TNR: variants seen among roughly 807,000 people sequenced by gnomAD.
TNR encodes tenascin-R.
A neutral mutation model predicts 150.4 loss-of-function variants in TNR; 45 were observed. The ratio of observed to expected loss-of-function variants is 0.30; its 90% CI spans 0.24 to 0.38. The LOEUF (loss-of-function observed/expected upper bound fraction) is 0.38. Ranked by LOEUF, TNR falls within the 10% of genes least tolerant of loss-of-function variation. The pLI is 1.00. For synonymous variants in TNR, 687 were observed against 678.4 expected, an observed-to-expected ratio of 1.01 and a Z score of -0.20; for missense variants, 1,544 against 1,759.1, an observed-to-expected ratio of 0.88 and a Z score of 2.19.
chr1:175,693,653 G>C (rs969353810), intron 1 of TNR, among the ~76,000 whole-genome samples: 1 of 152,208 alleles, frequency 6.6e-6, no homozygotes, highest in Non-Finnish European at 1.5e-5. Flanking sequence ...ACAGGTGACT[G>C]TTCTAAAATT....
intron 1 of TNR, among the ~76,000 whole-genome samples, chr1:175,661,277 C>T (rs1428189625): frequency 2.0e-5 from 3 of 152,238 alleles, no homozygotes; most frequent in African/African-American, 7.2e-5. Flanking sequence ...CCCCAGCTGA[C>T]TTCACAAGGA....
At chr1:175,434,671 A>C (rs376870913) in intron 2 of TNR, among the ~76,000 whole-genome samples, 14 of 152,048 alleles carry the variant, frequency 9.2e-5, no homozygotes, top group African/African-American at 3.1e-4. Flanking sequence ...CTTACCTCTT[A>C]CCACTCCTGG....
intron 2 of TNR, among the ~76,000 whole-genome samples, chr1:175,524,563 G>A (rs767253526): frequency 3.3e-5 from 5 of 152,084 alleles, no homozygotes; most frequent in Non-Finnish European, 7.3e-5. Context: ...AAGAGACCAA[G>A]GACTCATTGG....
intron 2 of TNR, among the ~76,000 whole-genome samples, chr1:175,429,687 T>C (rs998218916): frequency 6.6e-6 from 1 of 152,218 alleles, no homozygotes; most frequent in Non-Finnish European, 1.5e-5. Context: ...TTCCCAAGGA[T>C]GTAGAGCACA....
At chr1:175,352,209 A>G (rs1651085922) in intron 18 of TNR, among the ~76,000 whole-genome samples, 1 of 152,184 alleles carries the variant, frequency 6.6e-6, no homozygotes, top group African/African-American at 2.4e-5. Flanking sequence ...GGAGTGAGGC[A>G]CAGCTGTAAG....
chr1:175,529,646 G>C (rs982838553), intron 1 of TNR, among the ~76,000 whole-genome samples: 4 of 152,156 alleles, frequency 2.6e-5, no homozygotes, highest in African/African-American at 7.2e-5. Context: ...AGGTTCTTTG[G>C]ACAGTGTAAT....
intron 1 of TNR, among the ~76,000 whole-genome samples, chr1:175,690,905 T>A (rs1666342644): frequency 6.6e-6 from 1 of 152,092 alleles, no homozygotes; most frequent in African/African-American, 2.4e-5. Context: ...GCTGATGGAT[T>A]GGATATGAGG....
chr1:175,513,217 G>C lies in TNR; in HGVS notation c.-64+15052C>G, dbSNP rs568235755. 2.1e-3 allele frequency among the ~76,000 whole-genome samples: 317 copies of C among 152,288 alleles called. 1 individual carries two copies. The highest frequency in any genetic ancestry group is 7.3e-3 in the African/African-American group (302 of 41,552). On this transcript the variant is annotated intron_variant, in intron 2 of 22. Transcript: ENST00000367674. ...GTCTCTCTGTCTTCCCCACTACACT[G>C]TGCTGTAGGCGTTATTTATTGGGGG...
intron 2 of TNR, among the ~76,000 whole-genome samples, chr1:175,480,304 A>AG (rs1657726239): frequency 6.7e-6 from 1 of 148,472 alleles, no homozygotes. Context: ...TAAAAAAAAA[A>AG]TGAGGAAGAA....
chr1:175,635,323 T>C (rs953486011), intron 1 of TNR, among the ~76,000 whole-genome samples: 35 of 152,228 alleles, frequency 2.3e-4, no homozygotes, highest in Admixed American at 1.8e-3. Context: ...CTAATTTTTC[T>C]CTTTAAACTT....
intron 2 of TNR, among the ~76,000 whole-genome samples, chr1:175,451,904 T>G (rs1235358195): frequency 6.6e-6 from 1 of 152,166 alleles, no homozygotes; most frequent in Non-Finnish European, 1.5e-5. Context: ...CCCAGCCAGG[T>G]CTTACCTGTC....
intron 1 of TNR, among the ~76,000 whole-genome samples, chr1:175,690,165 A>G (rs1033534779): frequency 6.6e-6 from 1 of 151,590 alleles, no homozygotes; most frequent in African/African-American, 2.4e-5. Flanking sequence ...ATTCTATTAC[A>G]TTGCCGTGGA....
chr1:175,494,877 A>T (rs1013856691), intron 2 of TNR, among the ~76,000 whole-genome samples: 1 of 152,170 alleles, frequency 6.6e-6, no homozygotes, highest in South Asian at 2.1e-4. Flanking sequence ...TTAGTGTCTA[A>T]AACAATTCTT....
At chr1:175,645,322 A>G (rs1406893688) in intron 1 of TNR, among the ~76,000 whole-genome samples, 1 of 152,366 alleles carries the variant, frequency 6.6e-6, no homozygotes, top group East Asian at 1.9e-4. Flanking sequence ...CTCCAAATTT[A>G]GGGATATATA....
intron 1 of TNR, among the ~76,000 whole-genome samples, chr1:175,609,922 T>C (rs1032104141): frequency 6.6e-6 from 1 of 152,198 alleles, no homozygotes; most frequent in Non-Finnish European, 1.5e-5. Context: ...AGGACACAAA[T>C]AGTCTTGCTA....
intron 1 of TNR, among the ~76,000 whole-genome samples, chr1:175,538,135 C>T (rs1660366008): frequency 6.6e-6 from 1 of 152,134 alleles, no homozygotes; most frequent in Non-Finnish European, 1.5e-5. Context: ...CAGAACAAGA[C>T]ACAAGGGGTC....
chr1:175,369,238 T>A (rs987542850), intron 9 of TNR, among the ~76,000 whole-genome samples: 2 of 152,226 alleles, frequency 1.3e-5, no homozygotes, highest in African/African-American at 4.8e-5. Flanking sequence ...TGTTATAAAT[T>A]ACCACACACA....
intron 1 of TNR, among the ~76,000 whole-genome samples, chr1:175,713,030 G>T (rs1246493216): frequency 6.6e-6 from 1 of 152,156 alleles, no homozygotes; most frequent in African/African-American, 2.4e-5. Flanking sequence ...CAGGAGAAGA[G>T]TCAGGACCTG....
rs776448064 is a variant in TNR at position 175,406,186 on chromosome 1, G to T, written c.499+30C>A. On this transcript the variant is annotated intron_variant, in intron 3 of 22. Transcript: ENST00000367674. The stretch of plus-strand genomic sequence containing the variant: ...TGCTCAGCCCTCTCCTTCCCCTCCT[G>T]AGACCACGCTGCGAGCTCCCGGACT... 29 of 1,600,728 alleles carry T rather than the reference G, an allele frequency of 1.8e-5. No individual in the cohort carries two copies. The South Asian group carries it at 3.1e-4, about 17-fold the overall frequency.
Sources: gnomAD v4.1 joint callset for allele counts (sites outside exome capture counted in the v4.1 genomes callset) on GRCh38, gnomAD v4.1.1 for gene constraint, MANE v1.5 for transcripts, NCBI Gene and HGNC (gene_info 2026-07-23, HGNC 2026-07-21) for gene names.